Variants in TGFB1 observed in about 807,000 individuals in gnomAD.
The protein encoded by TGFB1 is transforming growth factor beta 1.
In TGFB1, 19 loss-of-function variants were observed where a neutral mutation model predicts 43.8. That is an observed-to-expected ratio of 0.43 (90% CI 0.30 to 0.64). The LOEUF (loss-of-function observed/expected upper bound fraction) is 0.64. Ranked by LOEUF, TGFB1 falls within the 30% of genes least tolerant of loss-of-function variation. TGFB1 has a pLI of 0.11. For synonymous variants in TGFB1, 221 were observed against 236.3 expected (o/e 0.94, Z 0.60); for missense variants, 445 against 529.8 (o/e 0.84, Z 1.57).
intron 1 of TGFB1, 40 bp from the exon 2 acceptor site, chr19:41,348,495 C>G (rs376729112): frequency 6.2e-7 from 1 of 1,607,008 alleles, no homozygotes; most frequent in Admixed American, 1.7e-5. Flanking sequence ...AGGGGTTTGG[C>G]AGAGGTGAGG....
intron 5 of TGFB1, among the ~76,000 whole-genome samples, chr19:41,338,120 A>T (rs546034854): frequency 6.6e-6 from 1 of 151,938 alleles, no homozygotes; most frequent in South Asian, 2.1e-4. Flanking sequence ...TGAACCTGGG[A>T]GGCGGAGGTT....
At chr19:41,340,075 T>C (rs962573069) in intron 5 of TGFB1, among the ~76,000 whole-genome samples, 2 of 152,106 alleles carry the variant, frequency 1.3e-5, no homozygotes, top group Non-Finnish European at 2.9e-5. Flanking sequence ...ATTGCAGTAT[T>C]AGCATTCCAG....
intron 5 of TGFB1, among the ~76,000 whole-genome samples, chr19:41,337,924 G>C (rs927190340): frequency 6.6e-6 from 1 of 152,230 alleles, no homozygotes; most frequent in Non-Finnish European, 1.5e-5. Flanking sequence ...GGGAGCAGTG[G>C]TTCAAGCCTG....
chr19:41,340,777 T>C (rs535966746), intron 5 of TGFB1, among the ~76,000 whole-genome samples: 1 of 152,314 alleles, frequency 6.6e-6, no homozygotes, highest in Non-Finnish European at 1.5e-5. Context: ...GTATCCACAA[T>C]TGGCCAGTGG....
At chr19:41,331,801 T>C (rs1303202809) in intron 6 of TGFB1, among the ~76,000 whole-genome samples, 1 of 151,644 alleles carries the variant, frequency 6.6e-6, no homozygotes, top group Non-Finnish European at 1.5e-5. Flanking sequence ...CCTAACTCTG[T>C]GTCTGTATCT....
intron 5 of TGFB1, among the ~76,000 whole-genome samples, chr19:41,335,552 G>A (rs535879257): frequency 6.6e-6 from 1 of 152,316 alleles, no homozygotes; most frequent in African/African-American, 2.4e-5. Flanking sequence ...ATTGTGTGCA[G>A]GACTGGGAAC....
rs1348401868 is a variant in TGFB1, at chr19:41,341,902, C to T, written c.841G>A (p.Asp281Asn). 2 of 1,613,780 alleles carry T rather than the reference C, an allele frequency of 1.2e-6. No homozygotes were observed. The highest frequency in any genetic ancestry group is 4.5e-5 in the East Asian group (2 of 44,888). ...LQSSRHRRAL[D>N]TNYCFSSTEK... ...GCTCACCTGAAGCAATAGTTGGTGT[C>T]CAGGGCTCGGCGGTGCCGGGAGCTT... The change falls in exon 5 of 7, where the codon GAC becomes AAC. Residue 281 changes from aspartate (D) to asparagine (N), a missense_variant. By Grantham distance (23) the Asp-to-Asn change is conservative (BLOSUM62 1). This residue lies in a region of TGFB1 where 366 missense variants were observed against 428.8 expected (regional missense o/e 0.85). Coordinates refer to ENST00000221930, the MANE Select transcript of TGFB1 (RefSeq NM_000660.7).
chr19:41,335,190 T>C, intron 5 of TGFB1, among the ~76,000 whole-genome samples: 1 of 151,918 alleles, frequency 6.6e-6, no homozygotes, highest in East Asian at 1.9e-4. Flanking sequence ...GTACCTGGGA[T>C]TACAGGCATG....
intron 2 of TGFB1, among the ~76,000 whole-genome samples, chr19:41,345,289 G>C (rs921954385): frequency 9.9e-5 from 15 of 151,974 alleles, no homozygotes; most frequent in African/African-American, 3.4e-4. Context: ...TTGAGGTCAG[G>C]AGTTCAAGAC....
chr19:41,352,961 C>G lies in TGFB1; in HGVS notation c.84G>C (p.Ala28=), dbSNP rs527542249. 1 of 1,546,720 alleles carries G rather than the reference C, an allele frequency of 6.5e-7. No homozygotes were observed. Among genetic ancestry groups the G allele is most frequent in the Non-Finnish European group, 8.7e-7 (1 of 1,149,348 alleles). ...LLVLTPGRPA[A]GLSTCKTIDM... Reference sequence around the variant, plus strand: ...CGATAGTCTTGCAGGTGGATAGTCCCGCGGCCGGCCGGCCAGGCGTCAGCA... The same window carrying G: ...CGATAGTCTTGCAGGTGGATAGTCCGGCGGCCGGCCGGCCAGGCGTCAGCA... The change falls in exon 1 of 7, where the codon GCG becomes GCC. Residue 28 remains alanine, a synonymous_variant. Transcript: ENST00000221930.
In TGFB1 at chr19:41,341,979, C is replaced by T. The variant is rs149900977; in HGVS notation, c.764G>A (p.Arg255Gln). ...GGTGGCCATGAGAAGCAGGAAAGGC[C>T]GGTTCATGCCATGAATGGTGGCCAG... ...GDLATIHGMN[R>Q]PFLLLMATPL... The change falls in exon 5 of 7, where the codon CGG becomes CAG. Residue 255 changes from arginine to glutamine, a missense_variant. Physicochemically the swap from Arg to Gln is conservative, Grantham distance 43. Coordinates refer to ENST00000221930, the MANE Select transcript of TGFB1 (RefSeq NM_000660.7). 3.9e-5 allele frequency: 63 copies of T among 1,614,070 alleles called. No individual in the cohort carries two copies. The highest frequency in any genetic ancestry group is 8.9e-5 in the East Asian group (4 of 44,896).
At chr19:41,337,958 G>A (rs1397734657) in intron 5 of TGFB1, among the ~76,000 whole-genome samples, 3 of 152,200 alleles carry the variant, frequency 2.0e-5, no homozygotes, top group African/African-American at 7.2e-5. Context: ...TTGGGAGGCC[G>A]AGGCTGATGG....
chr19:41,331,975 C>G (rs1017744834), intron 6 of TGFB1, 153 bp downstream of exon 6: 2 of 1,079,630 alleles, frequency 1.9e-6, no homozygotes, highest in African/African-American at 3.2e-5. Flanking sequence ...TGCCTCTCTC[C>G]CCATCTCTTT....
At chr19:41,346,612 G>A (rs1480336637) in intron 2 of TGFB1, among the ~76,000 whole-genome samples, 2 of 152,184 alleles carry the variant, frequency 1.3e-5, no homozygotes, top group Non-Finnish European at 2.9e-5. Context: ...GAGCAGTGCT[G>A]TCCTAAAGAA....
At position 41,331,952 on chromosome 19, in the gene TGFB1, C is replaced by G. The variant is rs1003867513; in HGVS notation, c.1014+176G>C. The G allele has an allele frequency of 5.8e-6, 5 of 861,542 alleles. No homozygotes were observed. The East Asian group carries it at 1.3e-4, about 23-fold the overall frequency. 53.4% of individuals were successfully genotyped at this position (861,542 alleles called of 1,614,324 possible). ...TCCCTCTGGCCCCTGCTCAGAGCCCCTCTCTAGCTTCCTGCCTCTCTCCCC... is the reference window on the plus strand; with the variant it reads ...TCCCTCTGGCCCCTGCTCAGAGCCCGTCTCTAGCTTCCTGCCTCTCTCCCC... On this transcript the variant is annotated intron_variant, in intron 6 of 6. Transcript: ENST00000221930.
rs545799427 is a variant in TGFB1, at chr19:41,350,312, T to C, written c.356-1857A>G. Among the ~76,000 whole-genome samples the C allele has an allele frequency of 6.1e-5, 9 of 148,740 alleles. No individual in the cohort carries two copies. In the East Asian group the frequency reaches 7.8e-4, roughly 13 times the overall value. On this transcript the variant is annotated intron_variant, in intron 1 of 6. Coordinates refer to ENST00000221930, the MANE Select transcript of TGFB1 (RefSeq NM_000660.7). ...GAATTAAGGTGTTTTCTTTTCTTTT[T>C]TTTTTTTTTTTTTTGAGATGGAGTT...
chr19:41,340,890 T>G (rs1452668975), intron 5 of TGFB1, among the ~76,000 whole-genome samples: 1 of 152,162 alleles, frequency 6.6e-6, no homozygotes, highest in Non-Finnish European at 1.5e-5. Flanking sequence ...TTTCAGTAAT[T>G]AACACCAAAT....
In TGFB1 at chr19:41,345,492, G is replaced by C. The variant is rs190233168; in HGVS notation, c.517-628C>G. On this transcript the variant is annotated intron_variant, in intron 2 of 6. Transcript: ENST00000221930. ...AGCCTGGGCGACAGGACGAGACTTC[G>C]TCTCAAAATAATAATAATAAATAAA... Among the ~76,000 whole-genome samples the C allele has an allele frequency of 2.0e-3, 302 of 152,208 alleles. 4 individuals are homozygous for C. The highest frequency in any genetic ancestry group is 6.7e-3 in the African/African-American group (279 of 41,512).
At chr19:41,344,681 C>A in intron 3 of TGFB1, 66 bp downstream of exon 3, 5 of 1,481,694 alleles carry the variant, frequency 3.4e-6, no homozygotes, top group South Asian at 2.3e-5. Flanking sequence ...GGCAAAGTGA[C>A]CCCAGGACAA....
Sources: allele counts gnomAD v4.1 joint callset (sites outside exome capture counted in the v4.1 genomes callset), GRCh38; gene constraint gnomAD v4.1.1; regional missense constraint gnomAD v4.1.1; transcripts MANE v1.5; gene names NCBI Gene and HGNC (gene_info 2026-07-23, HGNC 2026-07-21).